BTN3A3: variants seen among roughly 807,000 people sequenced by gnomAD.
BTN3A3 encodes butyrophilin subfamily 3 member A3, also known as butyrophilin 3.
A neutral mutation model predicts 43.2 loss-of-function variants in BTN3A3; 39 were observed. The observed-to-expected ratio is 0.90, with a 90% CI of 0.70 to 1.18. The LOEUF is 1.18. Among genes scored for constraint, BTN3A3 ranks in the 50% most tolerant of loss-of-function variants. The probability of loss-of-function intolerance (pLI) is 0.00; values close to 1 mark genes in which losing one functional copy is unlikely to be tolerated. For synonymous variants in BTN3A3, 255 were observed against 272.7 expected (o/e 0.93, Z 0.64); for missense variants, 631 against 722.8 (o/e 0.87, Z 1.46).
rs188713930 is a variant in BTN3A3 at position 26,443,077 on chromosome 6, A to G, written c.-66-305A>G. ...ACGTGGTGGGTTCAGCCCCTGACTG[A>G]CTTCAGAGCCTCTGCCAGGCAGTCT... On this transcript the variant is annotated intron_variant, in intron 1 of 10. Coordinates refer to ENST00000244519, the MANE Select transcript of BTN3A3 (RefSeq NM_006994.5). Among the ~76,000 whole-genome samples, 96 of 152,246 alleles carry G rather than the reference A, an allele frequency of 6.3e-4. 3 individuals are homozygous for G. The East Asian group carries it at 0.018, about 29-fold the overall frequency.
chr6:26,445,550 T>G, intron 4 of BTN3A3, 154 bp from the exon 5 acceptor site: 14 of 921,680 alleles, frequency 1.5e-5, no homozygotes, highest in East Asian at 2.7e-5. Flanking sequence ...CACTAGCCCA[T>G]TTAGTTTTCT....
intron 4 of BTN3A3, chr6:26,445,369 C>A (rs906807706): frequency 1.4e-5 from 4 of 287,566 alleles, no homozygotes; most frequent in African/African-American, 2.1e-5. Flanking sequence ...GGCTTCCTTC[C>A]TGCAAGATTC....
Position 26,451,777 on chromosome 6 carries a change from AC to A in BTN3A3, c.1124del (p.Pro375LeufsTer51), listed in dbSNP as rs35279486. ...RAEEPRDLPDNPERFEWRYCV... is the reference protein window; with the variant it reads ...RAEEPRDLPDXPERFEWRYCV... ...GAAGAGCCGCGGGATCTGCCAGACA[AC>A]CCTGAGAGATTTGAATGGCGTTACT... On this transcript the variant is annotated frameshift_variant, in exon 11 of 11. Coordinates refer to ENST00000244519, the MANE Select transcript of BTN3A3 (RefSeq NM_006994.5). LOFTEE classifies it low-confidence loss of function (END_TRUNC). 14 of 1,613,922 alleles carry A rather than the reference AC, an allele frequency of 8.7e-6. No individual in the cohort carries two copies. The highest frequency in any genetic ancestry group is 6.7e-5 in the East Asian group (3 of 44,888).
chr6:26,444,741 T>C (rs1762729578), intron 4 of BTN3A3: 1 of 289,524 alleles, frequency 3.5e-6, no homozygotes, highest in African/African-American at 2.2e-5. Context: ...GAAACATTTT[T>C]GTAGTATAAT....
chr6:26,445,706 T>C lies in BTN3A3; in HGVS notation c.436T>C (p.Leu146=). ...TAGGGCAATTTATCCTTCTACAGCA[T>C]TGGGTTCTGATCTTCACATTGAAGT... ...KALVELKVAA[L]GSDLHIEVKG... The change falls in exon 5 of 11, where the codon TTG becomes CTG. Residue 146 remains leucine, a splice_region_variant and synonymous_variant. Transcript: ENST00000244519. 6.2e-7 allele frequency: 1 copy of C among 1,613,440 alleles called. No homozygotes were observed. The highest frequency in any genetic ancestry group is 1.1e-5 in the South Asian group (1 of 91,060).
Sources: gnomAD v4.1 joint callset for allele counts (sites outside exome capture counted in the v4.1 genomes callset) on GRCh38, gnomAD v4.1.1 for gene constraint, MANE v1.5 for transcripts, NCBI Gene and HGNC (gene_info 2026-07-23, HGNC 2026-07-21) for gene names.